CHEK2: variants seen among roughly 807,000 people sequenced by gnomAD.
The protein encoded by CHEK2 is checkpoint kinase 2.
CHEK2 carries 71 observed loss-of-function variants against 69.1 expected under a neutral mutation model. The ratio of observed to expected loss-of-function variants is 1.03; its 90% CI spans 0.85 to 1.25. The LOEUF is 1.25. Ranked by LOEUF, CHEK2 falls within the 50% of genes most tolerant of loss-of-function variation. The pLI is 0.00. For missense variants in CHEK2, 664 were observed against 649.6 expected (o/e 1.02, Z -0.24); for synonymous variants, 189 against 226.9 (o/e 0.83, Z 1.50).
At chr22:28,700,211 CT>C (rs1188199517) in intron 8 of CHEK2, among the ~76,000 whole-genome samples, 137 of 128,006 alleles carry the variant, frequency 1.1e-3, no homozygotes, top group Middle Eastern at 4.0e-3. Flanking sequence ...CCAGGAGTTG[CT>C]TTTTTTTTTT....
rs876660019 is a variant in CHEK2, at chr22:28,734,636, T to G, written c.86A>C (p.Gln29Pro). The part of the protein sequence containing the change: ...SQPHGSVTQS[Q>P]GSSSQSQGIS... ...GCCCTGGGACTGTGAGGAGGAGCCTTGGGACTGGGTAACGCTGCCATGGGG... is the reference window on the plus strand; with the variant it reads ...GCCCTGGGACTGTGAGGAGGAGCCTGGGGACTGGGTAACGCTGCCATGGGG... Residue 29 changes from glutamine (Q) to proline (P), a missense_variant, in exon 2 of 15, where the codon CAA (glutamine) becomes CCA (proline). By Grantham distance (76) the Gln-to-Pro change is moderately conservative. Coordinates refer to ENST00000404276, the MANE Select transcript of CHEK2 (RefSeq NM_007194.4). 2 of 1,613,760 alleles carry G rather than the reference T, an allele frequency of 1.2e-6. No homozygotes were observed. Among genetic ancestry groups the G allele is most frequent in the Admixed American group, 3.3e-5 (2 of 59,974 alleles).
chr22:28,708,393 G>GTGTGTGTGTGTA, intron 7 of CHEK2, among the ~76,000 whole-genome samples: 1 of 151,616 alleles, frequency 6.6e-6, no homozygotes, highest in Non-Finnish European at 1.5e-5. Context: ...GTGTGTGTGT[G>GTGTGTGTGTGTA]TGTGTGTGTT....
chr22:28,731,462 G>C (rs984905819), intron 2 of CHEK2, among the ~76,000 whole-genome samples: 11 of 151,962 alleles, frequency 7.2e-5, no homozygotes, highest in African/African-American at 2.7e-4. Flanking sequence ...TAGCCACGGT[G>C]GTGGGCACCT....
intron 5 of CHEK2, among the ~76,000 whole-genome samples, chr22:28,718,569 G>A (rs967482691): frequency 1.3e-5 from 2 of 152,112 alleles, no homozygotes; most frequent in Non-Finnish European, 2.9e-5. Flanking sequence ...TAAATGTGGT[G>A]TATATATACA....
chr22:28,688,931 T>C (rs2052231271), intron 14 of CHEK2, among the ~76,000 whole-genome samples: 4 of 152,346 alleles, frequency 2.6e-5, no homozygotes, highest in African/African-American at 9.6e-5. Flanking sequence ...CTTATCGGTC[T>C]ATTATGTGTT....
intron 1 of CHEK2, among the ~76,000 whole-genome samples, chr22:28,741,039 A>G (rs556763294): frequency 6.6e-6 from 1 of 151,138 alleles, no homozygotes; most frequent in African/African-American, 2.4e-5. Flanking sequence ...AATCCCAGAT[A>G]CTTAGGAGGC....
intron 13 of CHEK2, among the ~76,000 whole-genome samples, chr22:28,691,873 G>C (rs1374782682): frequency 1.3e-5 from 2 of 152,186 alleles, no homozygotes; most frequent in Non-Finnish European, 2.9e-5. Context: ...ACTCAGTTCA[G>C]CGACAGACCC....
At chr22:28,695,090 A>G in intron 12 of CHEK2, 37 bp downstream of exon 12, 2 of 1,279,356 alleles carry the variant, frequency 1.6e-6, no homozygotes, top group Non-Finnish European at 2.3e-6. Context: ...TACACATTTT[A>G]GCATACCACA....
chr22:28,689,102 A>G (rs780704259), intron 14 of CHEK2, 33 bp downstream of exon 14: 1 of 1,443,274 alleles, frequency 6.9e-7, no homozygotes, highest in Non-Finnish European at 9.6e-7. Context: ...TTAAGCCCAG[A>G]CTACATTTAG....
At chr22:28,700,931 A>T (rs1439338137) in intron 8 of CHEK2, among the ~76,000 whole-genome samples, 1 of 152,020 alleles carries the variant, frequency 6.6e-6, no homozygotes, top group Non-Finnish European at 1.5e-5. Context: ...CTGGGATTAC[A>T]GGCATTCACC....
intron 13 of CHEK2, among the ~76,000 whole-genome samples, chr22:28,689,855 G>A (rs2052288726): frequency 6.6e-6 from 1 of 152,146 alleles, no homozygotes; most frequent in Non-Finnish European, 1.5e-5. Context: ...GTGTGTATGC[G>A]AGTAGCTCCC....
chr22:28,737,646 T>A (rs182068273), intron 1 of CHEK2, among the ~76,000 whole-genome samples: 250 of 151,740 alleles, frequency 1.6e-3, no homozygotes, highest in African/African-American at 5.7e-3. Context: ...ATTTGTATAT[T>A]TTTTTTAGTA....
chr22:28,694,680 T>G (rs2052493588), intron 12 of CHEK2, among the ~76,000 whole-genome samples: 2 of 152,336 alleles, frequency 1.3e-5, no homozygotes, highest in South Asian at 4.1e-4. Context: ...GGAACTAAAG[T>G]TGCCAGGATA....
rs940177014 is a variant in CHEK2 at position 28,720,667 on chromosome 22, G to A, written c.593-1182C>T. On this transcript the variant is annotated intron_variant, in intron 4 of 14. Coordinates refer to ENST00000404276, the MANE Select transcript of CHEK2 (RefSeq NM_007194.4). ...TCTCTGGCACAAATCTGAGCCACCT[G>A]AGTATATTTCATTCAGGCTGGTACA... Among the ~76,000 whole-genome samples the A allele has an allele frequency of 5.3e-5, 8 of 152,308 alleles. 1 individual carries two copies. In the South Asian group the frequency reaches 1.7e-3, roughly 32 times the overall value.
intron 5 of CHEK2, among the ~76,000 whole-genome samples, chr22:28,712,998 G>A (rs940349625): frequency 2.6e-5 from 4 of 152,084 alleles, no homozygotes; most frequent in African/African-American, 9.7e-5. Context: ...CCAGCACTCA[G>A]CCCCCAGCCC....
chr22:28,701,762 C>A (rs184053593), intron 8 of CHEK2, among the ~76,000 whole-genome samples: 1 of 152,244 alleles, frequency 6.6e-6, no homozygotes, highest in East Asian at 1.9e-4. Context: ...ACCATGCAAC[C>A]TGGTCCTGGA....
At chr22:28,724,906 A>T (rs777546199) in intron 4 of CHEK2, 71 bp downstream of exon 4, 1 of 1,504,700 alleles carries the variant, frequency 6.6e-7, no homozygotes, top group Non-Finnish European at 9.2e-7. Context: ...TTCTGTAAGG[A>T]CAGGACAAAT....
intron 7 of CHEK2, among the ~76,000 whole-genome samples, chr22:28,704,032 T>G (rs930744053): frequency 6.6e-6 from 1 of 151,866 alleles, no homozygotes; most frequent in Admixed American, 6.6e-5. Flanking sequence ...TGGAACAAGA[T>G]CCTACCATTT....
chr22:28,706,391 CAT>C (rs2053143508), intron 7 of CHEK2, among the ~76,000 whole-genome samples: 1 of 152,198 alleles, frequency 6.6e-6, no homozygotes, highest in South Asian at 2.1e-4. Flanking sequence ...ATGGGGAAAA[CAT>C]AAACAGGTAG....
Sources: allele counts gnomAD v4.1 joint callset (sites outside exome capture counted in the v4.1 genomes callset), GRCh38; gene constraint gnomAD v4.1.1; transcripts MANE v1.5; gene names NCBI Gene and HGNC (gene_info 2026-07-23, HGNC 2026-07-21).